The following C12orf56 variants were observed in gnomAD, a reference collection of about 807,000 sequenced individuals.
The protein encoded by C12orf56 is chromosome 12 open reading frame 56.
In C12orf56, 71 loss-of-function variants were observed where a neutral mutation model predicts 69.9. The ratio of observed to expected loss-of-function variants is 1.02; its 90% confidence interval spans 0.84 to 1.24. C12orf56 has a LOEUF of 1.24. Among genes scored for constraint, C12orf56 ranks in the 50% most tolerant of loss-of-function variants. The pLI is 0.00. For missense variants in C12orf56, 732 were observed against 738.5 expected (o/e 0.99, Z 0.10); for synonymous variants, 276 against 274.1 (o/e 1.01, Z -0.07).
At chr12:64,347,143 T>A (rs374865259) in intron 2 of C12orf56, among the ~76,000 whole-genome samples, 1 of 151,818 alleles carries the variant, frequency 6.6e-6, no homozygotes, top group African/African-American at 2.4e-5. Context: ...ACCCAACTAA[T>A]TTTTTTGTAT....
At chr12:64,339,644 C>T (rs1266216745) in intron 2 of C12orf56, among the ~76,000 whole-genome samples, 2 of 152,056 alleles carry the variant, frequency 1.3e-5, no homozygotes, top group Non-Finnish European at 2.9e-5. Flanking sequence ...CTCAGTATAG[C>T]CTCAACCTCC....
chr12:64,316,862 T>C (rs2038697295), intron 4 of C12orf56, among the ~76,000 whole-genome samples: 1 of 152,224 alleles, frequency 6.6e-6, no homozygotes, highest in South Asian at 2.1e-4. Flanking sequence ...TATTAGTTAT[T>C]GTTATTGCAT....
At chr12:64,387,511 T>TA (rs201031577) in intron 1 of C12orf56, among the ~76,000 whole-genome samples, 1,598 of 150,564 alleles carry the variant, frequency 0.011, 27 homozygotes, top group African/African-American at 0.036. Context: ...TTCTCACAGG[T>TA]AAAAAAAAAC....
At position 64,390,531 on chromosome 12, in the gene C12orf56, C is replaced by G. The variant is rs1243470275; in HGVS notation, c.35G>C (p.Arg12Pro). The change falls in exon 1 of 13, where the codon CGC becomes CCC. Residue 12 changes from arginine to proline, a missense_variant. Coordinates refer to ENST00000543942, the MANE Select transcript of C12orf56 (RefSeq NM_001170633.2). Reference sequence around the variant, plus strand: ...GAACACATCCAGGCGGCTGTTCCTGCGCGCGGGGAAGCCGGACGGCAAGGG... The same window carrying G: ...GAACACATCCAGGCGGCTGTTCCTGGGCGCGGGGAAGCCGGACGGCAAGGG... ...ASPLPSGFPA[R>P]RNSRLDVFLR... is the part of the protein sequence containing the mutation. 2 of 1,596,108 alleles carry G rather than the reference C, an allele frequency of 1.3e-6. No individual in the cohort carries two copies. The highest frequency in any genetic ancestry group is 2.2e-5 in the South Asian group (2 of 90,940).
At chr12:64,342,108 A>G (rs1248508331) in intron 2 of C12orf56, among the ~76,000 whole-genome samples, 1 of 152,188 alleles carries the variant, frequency 6.6e-6, no homozygotes, top group Non-Finnish European at 1.5e-5. Flanking sequence ...GTTTTTGACC[A>G]CACAAAGAGG....
intron 3 of C12orf56, among the ~76,000 whole-genome samples, chr12:64,329,871 G>A (rs2038906565): frequency 6.6e-6 from 1 of 151,326 alleles, no homozygotes; most frequent in Admixed American, 6.6e-5. Flanking sequence ...ATTTTTTATG[G>A]CTGCATAGTA....
intron 1 of C12orf56, chr12:64,389,155 A>G (rs974029750): frequency 2.6e-5 from 4 of 152,170 alleles, no homozygotes; most frequent in African/African-American, 9.7e-5. Context: ...CCCCAACGGA[A>G]AAACCAAGAA....
At chr12:64,281,978 A>T (rs971845080) in intron 8 of C12orf56, among the ~76,000 whole-genome samples, 1 of 152,244 alleles carries the variant, frequency 6.6e-6, no homozygotes, top group South Asian at 2.1e-4. Flanking sequence ...GATAATTTTA[A>T]TGTGGGAGAA....
At position 64,353,076 on chromosome 12, in the gene C12orf56, A is replaced by G; in HGVS notation, c.253-20T>C. On this transcript the variant is annotated intron_variant, in intron 1 of 12. Coordinates refer to ENST00000543942, the MANE Select transcript of C12orf56 (RefSeq NM_001170633.2). ...ATCAATCTGGAAAAAAAATTAATTC[A>G]CCTCATTGAAGACAAATACAACTGC... is the stretch of plus-strand genomic sequence containing the variant. 1 of 1,607,462 alleles carries G rather than the reference A, an allele frequency of 6.2e-7. No homozygotes were observed.
At chr12:64,340,122 T>C (rs2136882467) in intron 2 of C12orf56, among the ~76,000 whole-genome samples, 1 of 152,128 alleles carries the variant, frequency 6.6e-6, no homozygotes, top group Admixed American at 6.6e-5. Flanking sequence ...GTTCCAAAAC[T>C]GAAGAACTTG....
At chr12:64,357,909 G>T (rs7487463) in intron 1 of C12orf56, among the ~76,000 whole-genome samples, 65,213 of 150,502 alleles carry the variant, frequency 0.43, 15,599 homozygotes, top group Non-Finnish European at 0.55. Context: ...CAAAAAAAAA[G>T]AAAAAGAAAA....
At chr12:64,343,065 G>A (rs1022772265) in intron 2 of C12orf56, among the ~76,000 whole-genome samples, 3 of 152,166 alleles carry the variant, frequency 2.0e-5, no homozygotes, top group Admixed American at 1.3e-4. Context: ...CCAAATGAGG[G>A]ATGTCTTGCC....
chr12:64,277,640 A>ATG, intron 9 of C12orf56, 40 bp downstream of exon 9: 3 of 1,242,036 alleles, frequency 2.4e-6, no homozygotes, highest in Non-Finnish European at 2.1e-6. Flanking sequence ...CCCTATATAT[A>ATG]TATATATATA....
chr12:64,344,182 C>G, intron 2 of C12orf56, among the ~76,000 whole-genome samples: 1 of 152,092 alleles, frequency 6.6e-6, no homozygotes, highest in East Asian at 1.9e-4. Flanking sequence ...GGTCACAGGT[C>G]TCCTGGGGGA....
chr12:64,310,630 C>G (rs189251698), intron 5 of C12orf56, among the ~76,000 whole-genome samples: 4 of 152,010 alleles, frequency 2.6e-5, no homozygotes, highest in Admixed American at 2.6e-4. Flanking sequence ...GGAGGGCCCT[C>G]TCTCTATCAT....
chr12:64,334,951 A>G (rs928770757), intron 2 of C12orf56, among the ~76,000 whole-genome samples: 15 of 152,204 alleles, frequency 9.9e-5, no homozygotes, highest in Non-Finnish European at 1.5e-4. Context: ...GTTATTCAGC[A>G]GCACTAGCCA....
At chr12:64,285,810 AAAAAT>A (rs1189849089) in intron 7 of C12orf56, 139 bp downstream of exon 7, 1 of 432,442 alleles carries the variant, frequency 2.3e-6, no homozygotes, top group African/African-American at 2.1e-5. Context: ...ATAAATAAAT[AAAAAT>A]AAAAATAAAA....
At chr12:64,327,682 G>T (rs540749584) in intron 3 of C12orf56, among the ~76,000 whole-genome samples, 4 of 152,294 alleles carry the variant, frequency 2.6e-5, no homozygotes, top group African/African-American at 4.8e-5. Context: ...CAGGCTGTTG[G>T]TTCCTTCTCC....
At chr12:64,300,429 C>T (rs1345117290) in intron 6 of C12orf56, among the ~76,000 whole-genome samples, 3 of 152,126 alleles carry the variant, frequency 2.0e-5, no homozygotes, top group Non-Finnish European at 4.4e-5. Flanking sequence ...GTGCTGATCC[C>T]ATTAGGAATA....
Sources: allele counts gnomAD v4.1 joint callset (sites outside exome capture counted in the v4.1 genomes callset), GRCh38; gene constraint gnomAD v4.1.1; transcripts MANE v1.5; gene names NCBI Gene and HGNC (gene_info 2026-07-23, HGNC 2026-07-21).